CRYBG1: variants seen among roughly 807,000 people sequenced by gnomAD.
CRYBG1 encodes beta/gamma crystallin domain-containing protein 1.
CRYBG1 carries 139 observed loss-of-function variants against 189.2 expected under a neutral mutation model. That is an observed-to-expected ratio of 0.73 (90% CI 0.64 to 0.85). CRYBG1 has a LOEUF of 0.85. Ranked by LOEUF, CRYBG1 falls within the 40% of genes least tolerant of loss-of-function variation. The pLI, the probability that CRYBG1 is intolerant of heterozygous loss-of-function variation, is 0.00. For synonymous variants in CRYBG1, 1,023 were observed against 1,017.1 expected (o/e 1.01, Z -0.11); for missense variants, 2,611 against 2,675.8 (o/e 0.98, Z 0.53).
chr6:106,478,041 A>C (rs1272182913), intron 2 of CRYBG1, among the ~76,000 whole-genome samples: 11 of 152,234 alleles, frequency 7.2e-5, no homozygotes, highest in Admixed American at 7.2e-4. Context: ...ATGTCAGTAC[A>C]AGTGCCAGAC....
intron 1 of CRYBG1, among the ~76,000 whole-genome samples, chr6:106,391,825 C>T (rs774561144): frequency 3.3e-5 from 5 of 152,108 alleles, no homozygotes; most frequent in Admixed American, 1.3e-4. Flanking sequence ...TGCCAGCACA[C>T]CACACTTGCT....
At chr6:106,491,796 C>T (rs558176271) in intron 2 of CRYBG1, among the ~76,000 whole-genome samples, 66 of 152,260 alleles carry the variant, frequency 4.3e-4, no homozygotes, top group African/African-American at 1.4e-3. Flanking sequence ...GTCGCCTCCC[C>T]GCTCAGAAAC....
intron 1 of CRYBG1, among the ~76,000 whole-genome samples, chr6:106,429,572 A>T (rs895816306): frequency 1.3e-5 from 2 of 152,362 alleles, no homozygotes; most frequent in Admixed American, 6.5e-5. Context: ...CTTTCTGAGC[A>T]TGAAAGTAAC....
rs570358028 is a variant in CRYBG1, at chr6:106,538,976, T to C, written c.4719-427T>C. On this transcript the variant is annotated intron_variant, in intron 8 of 21. Transcript: ENST00000633556. The stretch of plus-strand genomic sequence containing the variant: ...CTTTCATACTTATAGCTGTGTGGCC[T>C]TGGGCAACTTACTTAACTTTATCTA... 7.9e-4 allele frequency among the ~76,000 whole-genome samples: 120 copies of C among 152,234 alleles called. 1 individual carries two copies. Among genetic ancestry groups the C allele is most frequent in the Non-Finnish European group, 6.9e-4 (47 of 68,006 alleles).
At chr6:106,517,417 TACAC>T (rs1489690834) in intron 3 of CRYBG1, among the ~76,000 whole-genome samples, 10,079 of 132,028 alleles carry the variant, frequency 0.076, 510 homozygotes, top group East Asian at 0.11. Flanking sequence ...CACACATATA[TACAC>T]ATATATATAC....
intron 2 of CRYBG1, among the ~76,000 whole-genome samples, chr6:106,500,360 G>A (rs2114508338): frequency 6.6e-6 from 1 of 150,624 alleles, no homozygotes; most frequent in South Asian, 2.1e-4. Context: ...TAACAGGTGT[G>A]AAGTGATAGT....
At position 106,526,042 on chromosome 6, in the gene CRYBG1, C is replaced by T. The variant is rs550406174; in HGVS notation, c.4412+656C>T. ...TCAGCTTCATTGCCTCTTGGAGATA[C>T]ACAGGAAGTTGGGTAGAGAAAGGCA... On this transcript the variant is annotated intron_variant, in intron 6 of 21. Coordinates refer to ENST00000633556, the MANE Select transcript of CRYBG1 (RefSeq NM_001371242.2). Among the ~76,000 whole-genome samples, 20 of 152,192 alleles carry T rather than the reference C, an allele frequency of 1.3e-4. No individual in the cohort carries two copies. In the South Asian group the frequency reaches 4.2e-3, roughly 32 times the overall value.
At chr6:106,495,189 T>G (rs1772817810) in intron 2 of CRYBG1, among the ~76,000 whole-genome samples, 1 of 152,240 alleles carries the variant, frequency 6.6e-6, no homozygotes, top group African/African-American at 2.4e-5. Flanking sequence ...ACAGTCAGTG[T>G]CTGTCATTCA....
intron 1 of CRYBG1, among the ~76,000 whole-genome samples, chr6:106,386,825 T>A (rs2114329183): frequency 6.6e-6 from 1 of 152,206 alleles, no homozygotes; most frequent in East Asian, 1.9e-4. Flanking sequence ...TCCTGCTATG[T>A]GGCCTGGTTC....
At chr6:106,483,118 T>C (rs9373871) in intron 2 of CRYBG1, among the ~76,000 whole-genome samples, 19,930 of 152,022 alleles carry the variant, frequency 0.13, 1,550 homozygotes, top group East Asian at 0.27. Context: ...TTGTACCTGT[T>C]GACCAGCCTC....
In CRYBG1 at chr6:106,522,168, G is replaced by A. The variant is rs192476188; in HGVS notation, c.4245+715G>A. On this transcript the variant is annotated intron_variant, in intron 4 of 21. Coordinates refer to ENST00000633556, the MANE Select transcript of CRYBG1 (RefSeq NM_001371242.2). ...GTAAAAATGCTCAGTGCTATACTTA[G>A]AATTTTGAAGATTTGTGAAGGAGCT... Among the ~76,000 whole-genome samples, 29 of 152,292 alleles carry A rather than the reference G, an allele frequency of 1.9e-4. No individual in the cohort carries two copies. The East Asian group carries it at 5.4e-3, about 28-fold the overall frequency.
chr6:106,373,155 G>T (rs1770074741), intron 1 of CRYBG1, among the ~76,000 whole-genome samples: 1 of 152,184 alleles, frequency 6.6e-6, no homozygotes, highest in Non-Finnish European at 1.5e-5. Context: ...TGGTCCCATT[G>T]TACAGAAGGG....
At chr6:106,388,257 C>G (rs1037245789) in intron 1 of CRYBG1, among the ~76,000 whole-genome samples, 1 of 151,286 alleles carries the variant, frequency 6.6e-6, no homozygotes, top group Non-Finnish European at 1.5e-5. Context: ...TGTAGATAGG[C>G]TTGCCATGTT....
At chr6:106,447,923 T>C (rs1477105046) in intron 1 of CRYBG1, among the ~76,000 whole-genome samples, 1 of 152,188 alleles carries the variant, frequency 6.6e-6, no homozygotes. Flanking sequence ...CTTTAGGTCT[T>C]AGAGACCTCT....
chr6:106,393,203 T>C (rs1770541764), intron 1 of CRYBG1, among the ~76,000 whole-genome samples: 1 of 152,192 alleles, frequency 6.6e-6, no homozygotes, highest in Non-Finnish European at 1.5e-5. Context: ...TCATCAGAGT[T>C]CTGAGATGGA....
intron 2 of CRYBG1, among the ~76,000 whole-genome samples, chr6:106,465,605 T>G (rs1183857420): frequency 6.6e-6 from 1 of 151,098 alleles, no homozygotes; most frequent in Non-Finnish European, 1.5e-5. Context: ...AGTAAAATGT[T>G]GTACTGCTGG....
At chr6:106,554,716 T>G (rs552150575) in intron 16 of CRYBG1, among the ~76,000 whole-genome samples, 1 of 152,334 alleles carries the variant, frequency 6.6e-6, no homozygotes, top group South Asian at 2.1e-4. Context: ...GCCTGCTTCA[T>G]TTATTACCTC....
intron 2 of CRYBG1, among the ~76,000 whole-genome samples, chr6:106,492,048 C>T (rs1389707175): frequency 6.6e-6 from 1 of 152,180 alleles, no homozygotes; most frequent in Non-Finnish European, 1.5e-5. Context: ...TAAATCCATC[C>T]TTTAAGGCTA....
At position 106,512,036 on chromosome 6, in the gene CRYBG1, G is replaced by A; in HGVS notation, c.919G>A (p.Gly307Arg). ...GTCGCCCACCCAGGAGCGGCCCGCG[G>A]GAGGACTAGGCGAGGCCCCTAACGG... ...PGSPTQERPA[G>R]GLGEAPNGAP... Residue 307 changes from glycine to arginine, a missense_variant, in exon 3 of 22, where the codon GGA becomes AGA. This residue lies in a region of CRYBG1 where 985 missense variants were observed against 924.4 expected (regional missense o/e 1.07). Transcript: ENST00000633556. 1 of 1,530,628 alleles carries A rather than the reference G, an allele frequency of 6.5e-7. No homozygotes were observed. The highest frequency in any genetic ancestry group is 8.7e-7 in the Non-Finnish European group (1 of 1,144,010). The allele number at this position is 1,530,628 out of a possible 1,614,324, so 94.8% of individuals were successfully genotyped here. A position where few individuals can be genotyped will look rare whatever the true frequency, so the allele number is the denominator to read the frequency against.
Sources: allele counts gnomAD v4.1 joint callset (sites outside exome capture counted in the v4.1 genomes callset), GRCh38; gene constraint gnomAD v4.1.1; regional missense constraint gnomAD v4.1.1; transcripts MANE v1.5; gene names NCBI Gene and HGNC (gene_info 2026-07-23, HGNC 2026-07-21).